Variants in NRG1 observed in about 807,000 individuals in gnomAD.
NRG1 encodes the protein neuregulin 1, also known as pro-neuregulin-1, membrane-bound isoform.
Under a neutral mutation model 63.8 loss-of-function variants are expected in NRG1, and 18 were observed. The observed-to-expected ratio is 0.28, with a 90% CI of 0.19 to 0.42. NRG1 has a LOEUF of 0.42. NRG1 is among the 10% of genes least tolerant of loss of function. The pLI is 1.00. For missense variants in NRG1, 762 were observed against 814.7 expected (o/e 0.94, Z 0.79); for synonymous variants, 302 against 301.3 (o/e 1.00, Z -0.02).
At chr8:31,856,171 T>C (rs1221572250) in intron 1 of NRG1, among the ~76,000 whole-genome samples, 2 of 152,192 alleles carry the variant, frequency 1.3e-5, no homozygotes, top group Non-Finnish European at 2.9e-5. Flanking sequence ...CCTTGCTAGA[T>C]TGGGGAAGTT....
chr8:32,077,331 C>A (rs7836556), intron 1 of NRG1, among the ~76,000 whole-genome samples: 147,937 of 152,232 alleles, frequency 0.97, 72,027 homozygotes, highest in East Asian at 1. Context: ...CGCACATTGC[C>A]CTCCAGCCTG....
intron 1 of NRG1, among the ~76,000 whole-genome samples, chr8:32,387,616 C>G (rs959460330): frequency 6.6e-6 from 1 of 152,050 alleles, no homozygotes; most frequent in African/African-American, 2.4e-5. Flanking sequence ...ACCTACTTGT[C>G]CTCTTTGAAC....
At chr8:32,366,368 C>CACCCA (rs1176146683) in intron 1 of NRG1, among the ~76,000 whole-genome samples, 1 of 151,964 alleles carries the variant, frequency 6.6e-6, no homozygotes, top group Non-Finnish European at 1.5e-5. Context: ...CCATCTCAGC[C>CACCCA]TCTAGTAACT....
At chr8:32,126,740 T>C (rs1477270036) in intron 1 of NRG1, among the ~76,000 whole-genome samples, 1 of 151,906 alleles carries the variant, frequency 6.6e-6, no homozygotes, top group Non-Finnish European at 1.5e-5. Flanking sequence ...ATCACACTGA[T>C]TGTTGTTTTC....
At chr8:32,186,734 A>C (rs1842013339) in intron 1 of NRG1, among the ~76,000 whole-genome samples, 1 of 152,218 alleles carries the variant, frequency 6.6e-6, no homozygotes, top group South Asian at 2.1e-4. Flanking sequence ...TCAGAGGTAC[A>C]GTAAAGTTTG....
chr8:32,351,318 A>T (rs1489654060), intron 1 of NRG1, among the ~76,000 whole-genome samples: 2 of 152,206 alleles, frequency 1.3e-5, no homozygotes, highest in Non-Finnish European at 2.9e-5. Context: ...TGTGAAATGT[A>T]CAGATGTGTT....
chr8:32,295,940 G>GA (rs536209588), intron 1 of NRG1, among the ~76,000 whole-genome samples: 53,351 of 127,926 alleles, frequency 0.42, 11,074 homozygotes, highest in East Asian at 0.67. Flanking sequence ...AGGTCTCAAG[G>GA]AAAAAAAAAA....
At chr8:32,592,392 A>G (rs533851067) in intron 1 of NRG1, among the ~76,000 whole-genome samples, 39 of 152,244 alleles carry the variant, frequency 2.6e-4, no homozygotes, top group Admixed American at 9.8e-4. Context: ...GTAGCTCCAC[A>G]TTAGATTGAC....
At chr8:31,679,657 C>G (rs1563285386) in intron 1 of NRG1, among the ~76,000 whole-genome samples, 1 of 152,024 alleles carries the variant, frequency 6.6e-6, no homozygotes. Flanking sequence ...GTTAATACAT[C>G]TTTAATCAGC....
At chr8:32,253,176 A>G (rs1180247774) in intron 1 of NRG1, among the ~76,000 whole-genome samples, 1 of 152,180 alleles carries the variant, frequency 6.6e-6, no homozygotes, top group African/African-American at 2.4e-5. Flanking sequence ...TCCAATTTGA[A>G]TATACTTTAT....
intron 1 of NRG1, among the ~76,000 whole-genome samples, chr8:31,738,571 G>T (rs1022772073): frequency 3.3e-5 from 5 of 151,922 alleles, no homozygotes; most frequent in Non-Finnish European, 5.9e-5. Context: ...AGTGAAATCT[G>T]TGTGTGTGTA....
intron 1 of NRG1, among the ~76,000 whole-genome samples, chr8:32,187,879 C>G (rs140338009): frequency 2.0e-5 from 3 of 152,208 alleles, no homozygotes; most frequent in Non-Finnish European, 4.4e-5. Flanking sequence ...AGTGCCTGCA[C>G]TTGGGGCAAC....
At chr8:32,407,177 TA>T in intron 1 of NRG1, among the ~76,000 whole-genome samples, 2 of 151,026 alleles carry the variant, frequency 1.3e-5, no homozygotes, top group Middle Eastern at 6.8e-3. Context: ...TTGTAAGCTA[TA>T]AAATTAGTGT....
At chr8:32,301,641 A>C (rs896417579) in intron 1 of NRG1, among the ~76,000 whole-genome samples, 2 of 152,186 alleles carry the variant, frequency 1.3e-5, no homozygotes, top group African/African-American at 4.8e-5. Context: ...GGTGAAAGTC[A>C]AGGAGGAGCA....
chr8:31,762,067 T>G (rs1382291370), intron 1 of NRG1, among the ~76,000 whole-genome samples: 1 of 152,256 alleles, frequency 6.6e-6, no homozygotes, highest in Non-Finnish European at 1.5e-5. Context: ...AAATGTGTCC[T>G]TGTAAATTTC....
intron 11 of NRG1, among the ~76,000 whole-genome samples, chr8:32,761,560 AATTTTATTTT>A (rs10566697): frequency 0.18 from 25,212 of 138,440 alleles, 2,775 homozygotes; most frequent in East Asian, 0.43. Flanking sequence ...AAGTCCGCTG[AATTTTATTTT>A]ATTTTATTTT....
intron 1 of NRG1, among the ~76,000 whole-genome samples, chr8:32,476,343 C>T (rs1824515333): frequency 6.6e-6 from 1 of 152,204 alleles, no homozygotes; most frequent in South Asian, 2.1e-4. Flanking sequence ...ATCCTATTTC[C>T]TTGCACAAGC....
chr8:32,697,652 C>G (rs1033379677), intron 5 of NRG1, among the ~76,000 whole-genome samples: 3 of 152,118 alleles, frequency 2.0e-5, no homozygotes, highest in South Asian at 2.1e-4. Context: ...TATATCCAAC[C>G]TATTTATGTA....
chr8:31,757,818 C>T (rs1476108933), intron 1 of NRG1, among the ~76,000 whole-genome samples: 1 of 151,974 alleles, frequency 6.6e-6, no homozygotes, highest in Non-Finnish European at 1.5e-5. Context: ...TAAATTTTGA[C>T]AGGTGTATAT....
Sources: allele counts gnomAD v4.1 joint callset (sites outside exome capture counted in the v4.1 genomes callset), GRCh38; gene constraint gnomAD v4.1.1; transcripts MANE v1.5; gene names NCBI Gene and HGNC (gene_info 2026-07-23, HGNC 2026-07-21).